Variants in RAI14 observed in about 807,000 individuals in gnomAD.
RAI14 encodes retinoic acid induced 14.
In RAI14, 45 loss-of-function variants were observed where a neutral mutation model predicts 115.4. That is an observed-to-expected ratio of 0.39 (90% CI 0.31 to 0.50). The LOEUF (loss-of-function observed/expected upper bound fraction) is 0.50, where lower values mean the gene tolerates loss of function less well. Among genes scored for constraint, RAI14 ranks in the 20% least tolerant of loss-of-function variants. The pLI is 0.85. For missense variants in RAI14, 939 were observed against 1,131.2 expected, an observed-to-expected ratio of 0.83 and a Z score of 2.44; for synonymous variants, 371 against 415.4, an observed-to-expected ratio of 0.89 and a Z score of 1.30.
At chr5:34,807,280 A>C (rs897428387) in intron 5 of RAI14, among the ~76,000 whole-genome samples, 1 of 152,084 alleles carries the variant, frequency 6.6e-6, no homozygotes, top group Admixed American at 6.6e-5. Flanking sequence ...CTAGGAGCTG[A>C]GAGGTTGGAG....
chr5:34,772,980 G>A (rs1459106201), intron 3 of RAI14, among the ~76,000 whole-genome samples: 1 of 152,138 alleles, frequency 6.6e-6, no homozygotes, highest in East Asian at 1.9e-4. Context: ...GTGCCATTTT[G>A]CTACATTGCT....
intron 4 of RAI14, among the ~76,000 whole-genome samples, chr5:34,802,405 C>T (rs973148246): frequency 3.3e-5 from 5 of 152,136 alleles, no homozygotes; most frequent in Admixed American, 6.5e-5. Context: ...TGGGAGTTAT[C>T]TACAGGTGTT....
chr5:34,661,180 G>A (rs566019658), intron 1 of RAI14, among the ~76,000 whole-genome samples: 5 of 152,242 alleles, frequency 3.3e-5, no homozygotes, highest in South Asian at 2.1e-4. Context: ...GAAGTGCTCC[G>A]GTGGGTCTTT....
chr5:34,724,559 GGACC>G (rs1743210012), intron 2 of RAI14, among the ~76,000 whole-genome samples: 1 of 152,088 alleles, frequency 6.6e-6, no homozygotes, highest in South Asian at 2.1e-4. Context: ...ACTGGCAAGT[GGACC>G]GAGAAATCCA....
In RAI14 at chr5:34,686,861, T is replaced by TC. The variant is rs1744945415; in HGVS notation, c.-48-10dup. ...TGGAAACCTACATATGTCCTTTTTT[T>TC]CTCTGCTTAGGTGTTGAAAAGTCTC... On this transcript the variant is annotated splice_polypyrimidine_tract_variant and intron_variant, in intron 1 of 17. Coordinates refer to ENST00000265109, the MANE Select transcript of RAI14 (RefSeq NM_015577.3). The TC allele has an allele frequency of 1.3e-6, 2 of 1,555,294 alleles. No homozygotes were observed. The highest frequency in any genetic ancestry group is 1.7e-5 in the Admixed American group (1 of 58,802).
At chr5:34,794,835 A>G (rs948513246) in intron 3 of RAI14, among the ~76,000 whole-genome samples, 1 of 152,214 alleles carries the variant, frequency 6.6e-6, no homozygotes, top group African/African-American at 2.4e-5. Context: ...AATATCAGCT[A>G]TCGGACTTTC....
At chr5:34,723,420 G>C (rs1743054435) in intron 2 of RAI14, among the ~76,000 whole-genome samples, 1 of 152,062 alleles carries the variant, frequency 6.6e-6, no homozygotes, top group Non-Finnish European at 1.5e-5. Flanking sequence ...TACCTTTTTT[G>C]TGTGAGATCT....
Position 34,818,866 on chromosome 5 carries a change from C to T in RAI14, c.994+15C>T, listed in dbSNP as rs1464530931. 3 of 1,568,004 alleles carry T rather than the reference C, an allele frequency of 1.9e-6. No individual in the cohort carries two copies. The highest frequency in any genetic ancestry group is 2.6e-6 in the Non-Finnish European group (3 of 1,155,280). Reference sequence around the variant, plus strand: ...CAGTACTACAGGTAAGACAAGGAAGCATCTGTTTTTTTTTTTCCTTCAACC... The same window carrying T: ...CAGTACTACAGGTAAGACAAGGAAGTATCTGTTTTTTTTTTTCCTTCAACC... On this transcript the variant is annotated intron_variant, in intron 13 of 17. Coordinates refer to ENST00000265109, the MANE Select transcript of RAI14 (RefSeq NM_015577.3).
chr5:34,770,551 G>A (rs998262784), intron 3 of RAI14, among the ~76,000 whole-genome samples: 80 of 152,300 alleles, frequency 5.3e-4, no homozygotes, highest in African/African-American at 1.9e-3. Context: ...TGGACTGTGC[G>A]AATAAACCTG....
At chr5:34,736,671 A>G (rs201365975) in intron 2 of RAI14, among the ~76,000 whole-genome samples, 3 of 152,160 alleles carry the variant, frequency 2.0e-5, no homozygotes, top group African/African-American at 4.8e-5. Flanking sequence ...CCAAAGTGCT[A>G]GGATTACAGG....
chr5:34,764,537 TTCTCTCTCTCTC>T (rs146616019), intron 3 of RAI14, among the ~76,000 whole-genome samples: 19 of 71,756 alleles, frequency 2.6e-4, no homozygotes, highest in Admixed American at 4.0e-4. Context: ...CAGGTGAATT[TTCTCTCTCTCTC>T]TCTCTCTCTC....
chr5:34,786,824 C>T (rs11954570), intron 3 of RAI14, among the ~76,000 whole-genome samples: 38,556 of 151,996 alleles, frequency 0.25, 5,648 homozygotes, highest in Non-Finnish European at 0.31. Context: ...AAATACAGAC[C>T]GTGGAGTGGG....
intron 4 of RAI14, among the ~76,000 whole-genome samples, chr5:34,802,309 G>A (rs1211535088): frequency 3.9e-5 from 6 of 152,180 alleles, no homozygotes; most frequent in Admixed American, 6.5e-5. Flanking sequence ...GAACACGCCC[G>A]ATCTCGTCTG....
chr5:34,802,896 C>T (rs1264461674), intron 4 of RAI14, among the ~76,000 whole-genome samples: 2 of 152,170 alleles, frequency 1.3e-5, no homozygotes, highest in Non-Finnish European at 2.9e-5. Context: ...AATCAGAAAA[C>T]TCCAGGTAAT....
intron 2 of RAI14, among the ~76,000 whole-genome samples, chr5:34,714,670 A>C (rs1465938005): frequency 6.6e-6 from 1 of 152,224 alleles, no homozygotes; most frequent in African/African-American, 2.4e-5. Context: ...CAGCAGGAAT[A>C]TTTAACATGA....
intron 2 of RAI14, among the ~76,000 whole-genome samples, chr5:34,722,788 G>A (rs781565762): frequency 1.3e-5 from 2 of 151,278 alleles, no homozygotes; most frequent in Non-Finnish European, 2.9e-5. Context: ...GGAGGTTGCA[G>A]TGAGCCAAGA....
rs183696573 is a variant in RAI14, at chr5:34,668,258, A to G, written c.-49+11783A>G. 4.2e-3 allele frequency among the ~76,000 whole-genome samples: 641 copies of G among 152,240 alleles called. 3 individuals are homozygous for G. Among genetic ancestry groups the G allele is most frequent in the Non-Finnish European group, 6.9e-3 (472 of 68,014 alleles). Reference sequence around the variant, plus strand: ...AAAATACAAAAATTAGCTGGGCATGATGGCGCACGCCTGTGATCCCAGATT... The same window carrying G: ...AAAATACAAAAATTAGCTGGGCATGGTGGCGCACGCCTGTGATCCCAGATT... On this transcript the variant is annotated intron_variant, in intron 1 of 17. Transcript: ENST00000265109.
intron 2 of RAI14, among the ~76,000 whole-genome samples, chr5:34,704,429 T>C (rs1234532571): frequency 6.6e-6 from 1 of 152,216 alleles, no homozygotes; most frequent in East Asian, 1.9e-4. Flanking sequence ...TCTGCACAGG[T>C]CCACAATTAT....
chr5:34,714,326 G>T (rs780661851), intron 2 of RAI14, among the ~76,000 whole-genome samples: 1 of 152,172 alleles, frequency 6.6e-6, no homozygotes, highest in Non-Finnish European at 1.5e-5. Flanking sequence ...ATTAAACACA[G>T]ATGAGATGTG....
Sources: allele counts gnomAD v4.1 joint callset (sites outside exome capture counted in the v4.1 genomes callset), GRCh38; gene constraint gnomAD v4.1.1; transcripts MANE v1.5; gene names NCBI Gene and HGNC (gene_info 2026-07-23, HGNC 2026-07-21).